The following ERG variants were observed in gnomAD, a reference collection of about 807,000 sequenced individuals.
ERG encodes the protein transcriptional regulator ERG.
A neutral mutation model predicts 55.3 loss-of-function variants in ERG; 9 were observed. The ratio of observed to expected loss-of-function variants is 0.16; its 90% CI spans 0.10 to 0.28. The LOEUF is 0.28. Among genes scored for constraint, ERG ranks in the 10% least tolerant of loss-of-function variants. The pLI is 1.00. For missense variants in ERG, 434 were observed against 631.6 expected (o/e 0.69, Z 3.35); for synonymous variants, 223 against 237.3 (o/e 0.94, Z 0.55).
intron 1 of ERG, among the ~76,000 whole-genome samples, chr21:38,494,443 T>C (rs1459141369): frequency 6.6e-6 from 1 of 152,178 alleles, no homozygotes; most frequent in Non-Finnish European, 1.5e-5. Flanking sequence ...ATCCGCCAAA[T>C]TGTTGGGATG....
chr21:38,589,947 G>A (rs777069813), intron 1 of ERG, among the ~76,000 whole-genome samples: 2 of 152,112 alleles, frequency 1.3e-5, no homozygotes, highest in Non-Finnish European at 2.9e-5. Flanking sequence ...CAAAAAAGTC[G>A]CTTTCAGCTC....
At position 38,447,200 on chromosome 21, in the gene ERG, G is replaced by A. The variant is rs185387163; in HGVS notation, c.19-1579C>T. Reference sequence around the variant, plus strand: ...GCACAAACTTCTTTGCCAGACACACGGCACTGAGAATCAGCAAGGAGGAAG... The same window carrying A: ...GCACAAACTTCTTTGCCAGACACACAGCACTGAGAATCAGCAAGGAGGAAG... On this transcript the variant is annotated intron_variant, in intron 1 of 9. Transcript: ENST00000288319. Among the ~76,000 whole-genome samples the A allele has an allele frequency of 7.2e-5, 11 of 151,734 alleles. No homozygotes were observed. The East Asian group carries it at 1.4e-3, about 19-fold the overall frequency.
At chr21:38,661,018 G>A (rs1031920964) in intron 1 of ERG, among the ~76,000 whole-genome samples, 1 of 151,906 alleles carries the variant, frequency 6.6e-6, no homozygotes, top group Non-Finnish European at 1.5e-5. Flanking sequence ...AAGAGGAGGA[G>A]GCGGAGGAGG....
chr21:38,636,845 G>T (rs1042236880), intron 1 of ERG, among the ~76,000 whole-genome samples: 2 of 152,180 alleles, frequency 1.3e-5, no homozygotes, highest in African/African-American at 4.8e-5. Flanking sequence ...CTGTCCCCCT[G>T]CTTAGAAGGA....
At chr21:38,548,665 C>G (rs1029693751) in intron 2 of ERG, among the ~76,000 whole-genome samples, 1 of 143,094 alleles carries the variant, frequency 7.0e-6, no homozygotes, top group Non-Finnish European at 1.5e-5. Flanking sequence ...CACGTTTGAC[C>G]GTGTTAGCCA....
intron 5 of ERG, among the ~76,000 whole-genome samples, chr21:38,401,224 G>A (rs573349121): frequency 1.1e-4 from 17 of 152,200 alleles, no homozygotes; most frequent in African/African-American, 3.6e-4. Context: ...GGTTTCTTCC[G>A]TGTTTAACAA....
At chr21:38,396,659 T>C (rs929813212) in intron 6 of ERG, among the ~76,000 whole-genome samples, 6 of 152,282 alleles carry the variant, frequency 3.9e-5, no homozygotes, top group Admixed American at 2.0e-4. Flanking sequence ...ATCCTTGGGA[T>C]AGAACTGAGC....
chr21:38,622,320 G>A lies in ERG; in HGVS notation c.-149-37375C>T, dbSNP rs114013762. Among the ~76,000 whole-genome samples, 534 of 152,148 alleles carry A rather than the reference G, an allele frequency of 3.5e-3. 5 individuals carry two copies. The highest frequency in any genetic ancestry group is 0.012 in the African/African-American group (502 of 41,462). On this transcript the variant is annotated intron_variant, in intron 1 of 10. Transcript: ENST00000398910. The stretch of plus-strand genomic sequence containing the variant: ...AGCTAGGAAAGCAGGGCTCTGCCGC[G>A]CCGAGGGAATGGGTCCCAGGTCTCT...
At position 38,391,029 on chromosome 21, in the gene ERG, A is replaced by C; in HGVS notation, c.885T>G (p.Ile295Met). Residue 295 changes from isoleucine (I) to methionine (M), a missense_variant, in exon 9 of 10, where the codon ATT (isoleucine) becomes ATG (methionine). Transcript: ENST00000288319. ...CAAGGCGGCTACTTGTTGGTCCAAG[A>C]ATCTGATAAGGATCTACAGCAAAAA... The part of the protein sequence containing the change: ...DQRPQLDPYQ[I>M]LGPTSSRLAN... The C allele has an allele frequency of 1.2e-6, 2 of 1,613,668 alleles. No individual in the cohort carries two copies. Among genetic ancestry groups the C allele is most frequent in the Non-Finnish European group, 1.7e-6 (2 of 1,179,614 alleles).
chr21:38,554,063 CA>C (rs1422591340), intron 2 of ERG, among the ~76,000 whole-genome samples: 1 of 151,898 alleles, frequency 6.6e-6, no homozygotes, highest in Non-Finnish European at 1.5e-5. Flanking sequence ...CATGTGTGAC[CA>C]ACAAGCATAT....
intron 1 of ERG, among the ~76,000 whole-genome samples, chr21:38,578,049 C>A (rs2060005702): frequency 6.6e-6 from 1 of 152,210 alleles, no homozygotes; most frequent in Non-Finnish European, 1.5e-5. Flanking sequence ...CAGCACAGCA[C>A]ATGGCAGAGG....
intron 1 of ERG, among the ~76,000 whole-genome samples, chr21:38,624,175 C>T (rs1251330543): frequency 6.6e-6 from 1 of 152,152 alleles, no homozygotes; most frequent in Non-Finnish European, 1.5e-5. Context: ...ATCCCATGAT[C>T]CAGCCTCGGC....
chr21:38,643,308 T>C (rs2060436488), intron 1 of ERG, among the ~76,000 whole-genome samples: 1 of 152,160 alleles, frequency 6.6e-6, no homozygotes, highest in South Asian at 2.1e-4. Context: ...ATGGTTTAAT[T>C]GGTAGTCTCA....
chr21:38,636,006 T>A (rs527600023), intron 1 of ERG, among the ~76,000 whole-genome samples: 14 of 152,296 alleles, frequency 9.2e-5, no homozygotes, highest in African/African-American at 3.4e-4. Context: ...ATAATCTCCA[T>A]GTGTCATGGG....
At chr21:38,571,517 A>T (rs1414131518) in intron 2 of ERG, among the ~76,000 whole-genome samples, 1 of 151,894 alleles carries the variant, frequency 6.6e-6, no homozygotes, top group Non-Finnish European at 1.5e-5. Flanking sequence ...TCTTAAAAAA[A>T]ATAAATAAAA....
At chr21:38,530,458 T>G (rs2059664584) in intron 2 of ERG, among the ~76,000 whole-genome samples, 2 of 152,206 alleles carry the variant, frequency 1.3e-5, no homozygotes, top group Admixed American at 1.3e-4. Context: ...TTCTAGTAAG[T>G]TGCAGAGGGT....
chr21:38,498,768 C>T (rs575181818), upstream of ERG, among the ~76,000 whole-genome samples: 1 of 152,250 alleles, frequency 6.6e-6, no homozygotes, highest in Admixed American at 6.5e-5. The surrounding 1 kb of genome is among the most constrained non-coding windows in gnomAD (Gnocchi z 4.6). Context: ...TGGGACTCCG[C>T]ATGGCTTCAC....
At chr21:38,429,856 C>A (rs965533330) in intron 2 of ERG, among the ~76,000 whole-genome samples, 1 of 152,046 alleles carries the variant, frequency 6.6e-6, no homozygotes, top group African/African-American at 2.4e-5. Flanking sequence ...AACATGCATG[C>A]GCAAGTGTCT....
intron 6 of ERG, among the ~76,000 whole-genome samples, chr21:38,399,448 G>C (rs1988381304): frequency 6.6e-6 from 1 of 152,144 alleles, no homozygotes; most frequent in Non-Finnish European, 1.5e-5. Context: ...GTGTATTCCG[G>C]ATATGTGATA....
Sources: allele counts gnomAD v4.1 joint callset (sites outside exome capture counted in the v4.1 genomes callset), GRCh38; gene constraint gnomAD v4.1.1; non-coding constraint Gnocchi (gnomAD v3.1); transcripts MANE v1.5; gene names NCBI Gene and HGNC (gene_info 2026-07-23, HGNC 2026-07-21).